Variants in NTNG1 observed in about 807,000 individuals in gnomAD.
NTNG1 encodes netrin G1.
Under a neutral mutation model 54.0 loss-of-function variants are expected in NTNG1, and 16 were observed. The ratio of observed to expected loss-of-function variants is 0.30; its 90% CI spans 0.20 to 0.45. The LOEUF (loss-of-function observed/expected upper bound fraction) is 0.45. NTNG1 is among the 20% of genes least tolerant of loss of function. The pLI is 1.00. For synonymous variants in NTNG1, 255 were observed against 263.1 expected, an observed-to-expected ratio of 0.97 and a Z score of 0.30; for missense variants, 530 against 678.7, an observed-to-expected ratio of 0.78 and a Z score of 2.43.
Position 107,374,884 on chromosome 1 carries a change from C to T in NTNG1, c.888-20270C>T, listed in dbSNP as rs186217692. ...GTTATTTGGAAACTGTTAGTCCTTT[C>T]GGATCTTGCTTTTCTGACTCGTTCA... On this transcript the variant is annotated intron_variant, in intron 3 of 7. Transcript: ENST00000370068. Among the ~76,000 whole-genome samples the T allele has an allele frequency of 7.0e-3, 1,059 of 151,948 alleles. 14 individuals are homozygous for T. The highest frequency in any genetic ancestry group is 0.024 in the African/African-American group (1,003 of 41,404).
At chr1:107,268,822 T>C (rs1418528603) in intron 2 of NTNG1, among the ~76,000 whole-genome samples, 3 of 152,314 alleles carry the variant, frequency 2.0e-5, no homozygotes, top group Middle Eastern at 3.4e-3. Flanking sequence ...AGGCCTAAAA[T>C]CTTGTAGTTG....
intron 7 of NTNG1, among the ~76,000 whole-genome samples, chr1:107,446,065 G>A (rs887837840): frequency 9.2e-5 from 14 of 152,094 alleles, no homozygotes; most frequent in Non-Finnish European, 1.9e-4. Context: ...GTTAAATAAA[G>A]AATGTGAAGC....
rs72987507 is a variant in NTNG1, at chr1:107,387,134, T to C, written c.888-8020T>C. Among the ~76,000 whole-genome samples the C allele has an allele frequency of 9.1e-3, 1,385 of 152,368 alleles. 25 individuals are homozygous for C. The highest frequency in any genetic ancestry group is 0.032 in the African/African-American group (1,321 of 41,582). On this transcript the variant is annotated intron_variant, in intron 3 of 7. Coordinates refer to ENST00000370068, the MANE Select transcript of NTNG1 (RefSeq NM_001113226.3). The stretch of plus-strand genomic sequence containing the variant: ...AAATCAGTTGTTAGCATTCCTAATA[T>C]GTTCTAAACATAAATACCATTTTAA...
At chr1:107,174,702 G>A (rs1184803782) in intron 2 of NTNG1, among the ~76,000 whole-genome samples, 1 of 151,722 alleles carries the variant, frequency 6.6e-6, no homozygotes, top group Non-Finnish European at 1.5e-5. Context: ...TTTAAGAAAT[G>A]CCAATATTTG....
chr1:107,275,362 G>A lies in NTNG1; in HGVS notation c.247-48920G>A, dbSNP rs558427845. On this transcript the variant is annotated intron_variant, in intron 2 of 7. Transcript: ENST00000370068. ...ACTGCACTCCAGCCTAGGTGACAGCGAGACTCCGTCTCAAAAAAAATAAAT... is the reference window on the plus strand; with the variant it reads ...ACTGCACTCCAGCCTAGGTGACAGCAAGACTCCGTCTCAAAAAAAATAAAT... Among the ~76,000 whole-genome samples the A allele has an allele frequency of 3.3e-5, 5 of 152,104 alleles. No homozygotes were observed. The South Asian group carries it at 6.2e-4, about 19-fold the overall frequency.
intron 2 of NTNG1, among the ~76,000 whole-genome samples, chr1:107,255,312 G>GTTT (rs1402967220): frequency 6.6e-6 from 1 of 152,148 alleles, no homozygotes; most frequent in Non-Finnish European, 1.5e-5. Context: ...GGCAAAGATA[G>GTTT]TTTTCCTCCA....
intron 2 of NTNG1, among the ~76,000 whole-genome samples, chr1:107,283,577 C>T (rs1557868271): frequency 6.6e-6 from 1 of 152,202 alleles, no homozygotes. Flanking sequence ...ATGAGCAAGT[C>T]AGATTAATTG....
At chr1:107,343,179 A>T (rs548559282) in intron 3 of NTNG1, among the ~76,000 whole-genome samples, 2 of 152,278 alleles carry the variant, frequency 1.3e-5, no homozygotes, top group Admixed American at 6.5e-5. Context: ...AAAATTAGTA[A>T]TAGGAATCAG....
At chr1:107,171,856 A>G (rs6659943) in intron 2 of NTNG1, among the ~76,000 whole-genome samples, 126,777 of 152,094 alleles carry the variant, frequency 0.83, 53,061 homozygotes, top group Middle Eastern at 0.88. Flanking sequence ...ATTCACATTG[A>G]AACATAGGAT....
At chr1:107,181,640 G>GA (rs1017930221) in intron 2 of NTNG1, among the ~76,000 whole-genome samples, 10 of 109,824 alleles carry the variant, frequency 9.1e-5, no homozygotes, top group African/African-American at 3.1e-4. Context: ...CTCGGTGAAG[G>GA]AAAATAACAA....
chr1:107,158,400 G>A (rs1041995965), intron 2 of NTNG1, among the ~76,000 whole-genome samples: 2 of 152,128 alleles, frequency 1.3e-5, no homozygotes, highest in Non-Finnish European at 2.9e-5. Context: ...GATGTGAGCT[G>A]AGGAAAAAAC....
intron 3 of NTNG1, among the ~76,000 whole-genome samples, chr1:107,341,059 T>G (rs570116749): frequency 9.2e-5 from 14 of 152,018 alleles, no homozygotes; most frequent in Admixed American, 8.5e-4. Flanking sequence ...GAGGCCAAAG[T>G]GAAAAGATTT....
intron 2 of NTNG1, among the ~76,000 whole-genome samples, chr1:107,186,055 TC>T (rs1657438472): frequency 6.6e-6 from 1 of 152,092 alleles, no homozygotes; most frequent in Admixed American, 6.6e-5. Flanking sequence ...GTCTCCAATA[TC>T]TATTATTCCA....
chr1:107,230,950 T>C (rs964299214), intron 2 of NTNG1, among the ~76,000 whole-genome samples: 6 of 152,194 alleles, frequency 3.9e-5, no homozygotes, highest in African/African-American at 1.4e-4. Context: ...GTGTTATCCA[T>C]ATATTGAATT....
At chr1:107,278,604 C>CT (rs1322412994) in intron 2 of NTNG1, among the ~76,000 whole-genome samples, 2 of 152,070 alleles carry the variant, frequency 1.3e-5, no homozygotes, top group East Asian at 3.9e-4. Context: ...TGTTTTTGTT[C>CT]TTATGGTGAA....
intron 2 of NTNG1, among the ~76,000 whole-genome samples, chr1:107,244,770 T>A (rs990833179): frequency 3.9e-5 from 6 of 152,162 alleles, no homozygotes; most frequent in African/African-American, 1.2e-4. Flanking sequence ...ATCTTCTGAA[T>A]GAGGTGAAGA....
intron 2 of NTNG1, among the ~76,000 whole-genome samples, chr1:107,182,588 G>T (rs1481411686): frequency 6.6e-6 from 1 of 151,994 alleles, no homozygotes; most frequent in East Asian, 1.9e-4. Context: ...AATTCCCCAT[G>T]GTCCTAGTAA....
intron 5 of NTNG1, chr1:107,420,953 C>G: frequency 1.5e-6 from 1 of 662,376 alleles, no homozygotes; most frequent in East Asian, 2.7e-5. Flanking sequence ...GAAACAAACT[C>G]CTAGAAACAA....
intron 3 of NTNG1, among the ~76,000 whole-genome samples, chr1:107,347,419 G>A (rs1035516526): frequency 1.5e-4 from 23 of 152,156 alleles, no homozygotes; most frequent in African/African-American, 5.6e-4. Flanking sequence ...GGAGGCTGAG[G>A]CAGGACGATC....
Sources: allele counts gnomAD v4.1 joint callset (sites outside exome capture counted in the v4.1 genomes callset), GRCh38; gene constraint gnomAD v4.1.1; transcripts MANE v1.5; gene names NCBI Gene and HGNC (gene_info 2026-07-23, HGNC 2026-07-21).